COL4A1: variants seen among roughly 807,000 people sequenced by gnomAD.
The protein encoded by COL4A1 is collagen type IV alpha 1 chain, also known as collagen alpha-1(IV) chain.
A neutral mutation model predicts 216.6 loss-of-function variants in COL4A1; 40 were observed. The ratio of observed to expected loss-of-function variants is 0.18; its 90% CI spans 0.14 to 0.24. The LOEUF (loss-of-function observed/expected upper bound fraction) is 0.24. COL4A1 is among the 10% of genes least tolerant of loss of function. The pLI is 1.00. For missense variants in COL4A1, 1,628 were observed against 2,196.8 expected (o/e 0.74, Z 5.18); for synonymous variants, 839 against 810.7 (o/e 1.03, Z -0.59).
intron 1 of COL4A1, among the ~76,000 whole-genome samples, chr13:110,270,285 C>T (rs1191252758): frequency 6.6e-6 from 1 of 152,218 alleles, no homozygotes; most frequent in Non-Finnish European, 1.5e-5. Context: ...TAGTGCATAA[C>T]AGTGCAACCT....
chr13:110,190,818 A>G (rs1040587030), intron 24 of COL4A1: 1 of 152,234 alleles, frequency 6.6e-6, no homozygotes. Context: ...ATGAAGGCAT[A>G]AGGAGTAGAA....
intron 36 of COL4A1, 101 bp from the exon 37 acceptor site, chr13:110,175,458 C>A: frequency 6.4e-7 from 1 of 1,554,030 alleles, no homozygotes; most frequent in Non-Finnish European, 8.7e-7. Flanking sequence ...GATACAAGAA[C>A]GTGAATCCCC....
In COL4A1 at chr13:110,201,390, G is replaced by C. The variant is rs141469904; in HGVS notation, c.1084+48C>G. 1,521 of 1,319,968 alleles carry C rather than the reference G, an allele frequency of 1.2e-3. 20 individuals are homozygous for C. In the African/African-American group the frequency reaches 0.02, roughly 17 times the overall value. 81.8% of individuals were successfully genotyped at this position (1,319,968 alleles called of 1,614,324 possible). ...ACGAGGAGGAGGAAGAGGAGGAGGA[G>C]AGAAGGAGGGGGAGTAGGAGGAGGG... is the stretch of plus-strand genomic sequence containing the variant. On this transcript the variant is annotated intron_variant, in intron 19 of 51. Transcript: ENST00000375820.
At chr13:110,298,540 AAG>A (rs1566454029) in intron 1 of COL4A1, 6 of 152,194 alleles carry the variant, frequency 3.9e-5, no homozygotes, top group Admixed American at 2.6e-4. Flanking sequence ...CTGCTTTGGT[AAG>A]TTTATCTTCA....
intron 23 of COL4A1, 72 bp downstream of exon 23, chr13:110,192,758 T>A (rs903920714): frequency 7.5e-7 from 1 of 1,328,682 alleles, no homozygotes; most frequent in African/African-American, 1.5e-5. Flanking sequence ...TGGAGTGAAA[T>A]CCCTTTCACA....
intron 2 of COL4A1, among the ~76,000 whole-genome samples, chr13:110,223,553 A>C (rs939166807): frequency 6.6e-6 from 1 of 152,210 alleles, no homozygotes; most frequent in Non-Finnish European, 1.5e-5. Context: ...AACATCTTCA[A>C]AACGAGAAAA....
chr13:110,247,844 A>AGAGG (rs575291787), intron 1 of COL4A1, among the ~76,000 whole-genome samples: 7 of 100,354 alleles, frequency 7.0e-5, no homozygotes, highest in African/African-American at 1.9e-4. Context: ...TGGCAGAGAG[A>AGAGG]GAGGGAGGGA....
At chr13:110,212,941 C>G (rs1353429381) in intron 4 of COL4A1, among the ~76,000 whole-genome samples, 1 of 152,168 alleles carries the variant, frequency 6.6e-6, no homozygotes, top group Admixed American at 6.5e-5. Context: ...TCAGCCACAA[C>G]AAGGAACAAA....
intron 1 of COL4A1, among the ~76,000 whole-genome samples, chr13:110,278,112 AACTTAGTAAGTTTCAATAGAGCC>A (rs1434854916): frequency 2.0e-5 from 3 of 152,246 alleles, no homozygotes; most frequent in African/African-American, 7.2e-5. Flanking sequence ...AACTCGGAAG[AACTTAGTAAGTTTCAATAGAGCC>A]ACTTAGAATT....
chr13:110,259,002 G>A (rs1023527498), intron 1 of COL4A1, among the ~76,000 whole-genome samples: 1 of 152,214 alleles, frequency 6.6e-6, no homozygotes, highest in Non-Finnish European at 1.5e-5. Context: ...AGCAACCTAT[G>A]GGATCCTTTG....
chr13:110,163,615 T>G, intron 46 of COL4A1, 54 bp from the exon 47 acceptor site: 1 of 1,474,758 alleles, frequency 6.8e-7, no homozygotes, highest in Non-Finnish European at 9.4e-7. Flanking sequence ...GCTGTATCTC[T>G]TTCTTCCCTT....
At chr13:110,227,123 G>A (rs768134509) in intron 2 of COL4A1, among the ~76,000 whole-genome samples, 24 of 152,048 alleles carry the variant, frequency 1.6e-4, no homozygotes, top group South Asian at 4.1e-4. Flanking sequence ...CTTTGTAGAC[G>A]TTTTAAAGAT....
chr13:110,183,577 A>T (rs1396395490), intron 26 of COL4A1, among the ~76,000 whole-genome samples: 1 of 152,220 alleles, frequency 6.6e-6, no homozygotes, highest in Non-Finnish European at 1.5e-5. Context: ...CTACAACAAC[A>T]ACATGTGAGG....
chr13:110,238,180 T>C (rs6492249), intron 2 of COL4A1, among the ~76,000 whole-genome samples: 30,001 of 152,188 alleles, frequency 0.2, 3,391 homozygotes, highest in African/African-American at 0.3. Flanking sequence ...ATATCTTTGC[T>C]GAGGATCTGG....
In COL4A1 at chr13:110,165,002, G is replaced by A. The variant is rs749099291; in HGVS notation, c.4022-12C>T. ...AGGACCCGGGAGACCTGTGGGAATA[G>A]GGAAGGCATTGATCAATTTCACTGT... On this transcript the variant is annotated splice_polypyrimidine_tract_variant and intron_variant, in intron 45 of 51. Coordinates refer to ENST00000375820, the MANE Select transcript of COL4A1 (RefSeq NM_001845.6). The A allele has an allele frequency of 6.4e-5, 103 of 1,601,842 alleles. No individual in the cohort carries two copies. The highest frequency in any genetic ancestry group is 8.8e-5 in the Non-Finnish European group (103 of 1,174,988).
chr13:110,274,305 C>G (rs1390746877), intron 1 of COL4A1, among the ~76,000 whole-genome samples: 1 of 152,208 alleles, frequency 6.6e-6, no homozygotes, highest in African/African-American at 2.4e-5. Flanking sequence ...GGTTGGAAAG[C>G]AGGCATCAGG....
chr13:110,241,279 T>C (rs1004844475), intron 2 of COL4A1, among the ~76,000 whole-genome samples: 1 of 152,140 alleles, frequency 6.6e-6, no homozygotes. Context: ...CAAATGGAAA[T>C]GGAGGTGGAC....
At chr13:110,206,559 T>C (rs1031008814) in intron 15 of COL4A1, 106 bp downstream of exon 15, 65 of 1,281,712 alleles carry the variant, frequency 5.1e-5, no homozygotes, top group Non-Finnish European at 6.9e-5. Context: ...AGGGATAAAC[T>C]AGAAGTCCCT....
rs7333008 is a variant in COL4A1 at position 110,209,213 on chromosome 13, T to C, written c.651+179A>G. 0.26 allele frequency among the ~76,000 whole-genome samples: 40,236 copies of C among 152,062 alleles called. 5,525 individuals are homozygous for C. The highest frequency in any genetic ancestry group is 0.32 in the Admixed American group (4,875 of 15,272). ...ATGGATGAAAGAAAAGATCAATATA[T>C]TGATAGATAATCAATAGATAATAAA... On this transcript the variant is annotated intron_variant, in intron 11 of 51. Transcript: ENST00000375820.
Sources: allele counts gnomAD v4.1 joint callset (sites outside exome capture counted in the v4.1 genomes callset), GRCh38; gene constraint gnomAD v4.1.1; transcripts MANE v1.5; gene names NCBI Gene and HGNC (gene_info 2026-07-23, HGNC 2026-07-21).